CTSH: variants seen among roughly 807,000 people sequenced by gnomAD.
CTSH encodes pro-cathepsin H.
CTSH carries 52 observed loss-of-function variants against 56.3 expected under a neutral mutation model. That is an observed-to-expected ratio of 0.92 (90% CI 0.74 to 1.16). CTSH has a LOEUF of 1.16. CTSH is among the 50% of genes most tolerant of loss of function. CTSH has a pLI of 0.00. For synonymous variants in CTSH, 174 were observed against 155.7 expected, an observed-to-expected ratio of 1.12 and a Z score of -0.88; for missense variants, 406 against 424.5, an observed-to-expected ratio of 0.96 and a Z score of 0.38.
rs887763614 is a variant in CTSH at position 78,944,904 on chromosome 15, G to C, written c.78C>G (p.Cys26Trp). ...CCCTCTGCGTACCTAAGGAGTTCAC[G>C]CACAGTTCGGCGGCACCGCAGACGG... is the stretch of plus-strand genomic sequence containing the variant. Reference protein sequence around the residue: ...GVPVCGAAELCVNSLEKFHFK... With the variant: ...GVPVCGAAELWVNSLEKFHFK... Residue 26 changes from cysteine to tryptophan, a missense_variant, in exon 1 of 12, where the codon TGC becomes TGG. Coordinates refer to ENST00000220166, the MANE Select transcript of CTSH (RefSeq NM_004390.5). 2 of 1,548,584 alleles carry C rather than the reference G, an allele frequency of 1.3e-6. No individual in the cohort carries two copies. Among genetic ancestry groups the C allele is most frequent in the Admixed American group, 2.0e-5 (1 of 50,860 alleles).
At chr15:78,928,993 G>A (rs943123513) in intron 8 of CTSH, among the ~76,000 whole-genome samples, 4 of 152,110 alleles carry the variant, frequency 2.6e-5, no homozygotes, top group African/African-American at 9.7e-5. Flanking sequence ...GTGATGGTGG[G>A]AGGCCCAGCA....
intron 6 of CTSH, 98 bp downstream of exon 6, chr15:78,932,274 A>C: frequency 9.2e-7 from 1 of 1,087,772 alleles, no homozygotes; most frequent in Middle Eastern, 2.0e-4. Context: ...CTGAAACAGC[A>C]CCCTTAGCCA....
Position 78,928,434 on chromosome 15 carries a change from C to T in CTSH, c.631-653G>A, listed in dbSNP as rs1294453761. 4.6e-5 allele frequency among the ~76,000 whole-genome samples: 7 copies of T among 151,166 alleles called. 2 individuals carry two copies. The East Asian group carries it at 1.4e-3, about 30-fold the overall frequency. On this transcript the variant is annotated intron_variant, in intron 8 of 11. Coordinates refer to ENST00000220166, the MANE Select transcript of CTSH (RefSeq NM_004390.5). ...ATAAAAAGTTAGCTGGGCGTGGTGGCGGGTGCCTGTACTCCCAGCTACTCA... is the reference window on the plus strand; with the variant it reads ...ATAAAAAGTTAGCTGGGCGTGGTGGTGGGTGCCTGTACTCCCAGCTACTCA...
intron 1 of CTSH, among the ~76,000 whole-genome samples, chr15:78,942,739 G>A (rs1006216087): frequency 2.0e-5 from 3 of 152,208 alleles, no homozygotes; most frequent in African/African-American, 7.2e-5. Flanking sequence ...CCCAGTTTTA[G>A]CAAAGAGGAC....
chr15:78,940,442 C>T (rs1336033996), intron 1 of CTSH, among the ~76,000 whole-genome samples: 6 of 151,468 alleles, frequency 4.0e-5, no homozygotes, highest in African/African-American at 1.2e-4. Context: ...AAAAATTAGA[C>T]GGGAGAATCA....
At chr15:78,925,696 CTCAT>C (rs1596270505) in intron 9 of CTSH, 1 of 399,204 alleles carries the variant, frequency 2.5e-6, no homozygotes, top group Admixed American at 3.6e-5. Context: ...CGTGGACCTA[CTCAT>C]TCAGTCATTC....
Position 78,931,491 on chromosome 15 carries a change from C to T in CTSH, c.508G>A (p.Val170Met), listed in dbSNP as rs146836161. Residue 170 changes from valine to methionine, a missense_variant, in exon 7 of 12, where the codon GTG becomes ATG. Physicochemically the swap from Val to Met is conservative, Grantham distance 21 (BLOSUM62 1). Transcript: ENST00000220166. ...KMLSLAEQQLVDCAQDFNNHG... is the reference protein window; with the variant it reads ...KMLSLAEQQLMDCAQDFNNHG... ...TTATTGAAGTCCTGGGCGCAGTCCA[C>T]CAGCTGCTGTTCCGCCTGGAAGAAG... 59 of 1,614,146 alleles carry T rather than the reference C, an allele frequency of 3.7e-5. No individual in the cohort carries two copies. In the African/African-American group the frequency reaches 7.1e-4, roughly 19 times the overall value.
intron 10 of CTSH, among the ~76,000 whole-genome samples, chr15:78,924,733 A>G (rs972457982): frequency 4.0e-5 from 6 of 151,552 alleles, no homozygotes; most frequent in African/African-American, 1.5e-4. Flanking sequence ...TCTGTCACCA[A>G]GGTTGGAGTG....
At chr15:78,932,060 C>T in intron 6 of CTSH, 6 of 1,241,394 alleles carry the variant, frequency 4.8e-6, no homozygotes, top group Non-Finnish European at 6.1e-6. Context: ...GGTGTAGCTC[C>T]TAGTTGGCTA....
At position 78,937,712 on chromosome 15, in the gene CTSH, G is replaced by A. The variant is rs1466710712; in HGVS notation, c.124-289C>T. The stretch of plus-strand genomic sequence containing the variant: ...TGCCACATGTGGGGCACTCCTGGAC[G>A]CCACTGCTGGTGCTGGGTCAAGTTT... On this transcript the variant is annotated intron_variant, in intron 2 of 11. Coordinates refer to ENST00000220166, the MANE Select transcript of CTSH (RefSeq NM_004390.5). 8.0e-6 allele frequency: 11 copies of A among 1,366,558 alleles called. No individual in the cohort carries two copies. In the East Asian group the frequency reaches 2.0e-4, roughly 25 times the overall value. 84.7% of individuals were successfully genotyped at this position (1,366,558 alleles called of 1,614,324 possible).
At chr15:78,923,508 C>G (rs1035600399) in intron 10 of CTSH, among the ~76,000 whole-genome samples, 1 of 152,176 alleles carries the variant, frequency 6.6e-6, no homozygotes, top group Non-Finnish European at 1.5e-5. Flanking sequence ...AGGTTGGTCT[C>G]GAGCTCCTGA....
intron 2 of CTSH, 59 bp downstream of exon 2, chr15:78,939,081 T>G (rs1488271256): frequency 8.1e-6 from 12 of 1,478,922 alleles, no homozygotes; most frequent in Non-Finnish European, 1.1e-5. Context: ...ACAGTTTGGT[T>G]TGATAACAGG....
At chr15:78,933,417 T>C in intron 5 of CTSH, 1 of 359,894 alleles carries the variant, frequency 2.8e-6, no homozygotes, top group South Asian at 2.1e-5. Flanking sequence ...CAGGTTCATC[T>C]CTGTTTCCTC....
At chr15:78,942,363 C>T (rs1052509972) in intron 1 of CTSH, among the ~76,000 whole-genome samples, 5 of 152,094 alleles carry the variant, frequency 3.3e-5, no homozygotes, top group Non-Finnish European at 7.4e-5. Context: ...CAGGTGCCCA[C>T]CACCACGCCC....
intron 9 of CTSH, 38 bp from the exon 10 acceptor site, chr15:78,925,478 T>C (rs774139794): frequency 4.4e-6 from 6 of 1,367,250 alleles, no homozygotes; most frequent in South Asian, 3.5e-5. Flanking sequence ...ACATGGCCTG[T>C]CACCTCCCCA....
rs528091807 is a variant in CTSH, at chr15:78,935,051, C to T, written c.332G>A (p.Arg111Gln). The change falls in exon 5 of 12, where the codon CGA (arginine) becomes CAA (glutamine). Residue 111 changes from arginine to glutamine, a missense_variant. Physicochemically the swap from Arg to Gln is conservative, Grantham distance 43. Transcript: ENST00000220166. ...NCSATKSNYL[R>Q]GTGPYPPSVD... The stretch of plus-strand genomic sequence containing the variant: ...GGAAGGTGGGTAGGGACCAGTACCT[C>T]GAAGGTAGTTACTTTTGGTGGCTGA... 5.6e-6 allele frequency: 9 copies of T among 1,614,030 alleles called. No homozygotes were observed. Among genetic ancestry groups the T allele is most frequent in the South Asian group, 4.4e-5 (4 of 91,080 alleles).
chr15:78,935,131 A>G (rs2055148678), intron 4 of CTSH, 49 bp from the exon 5 acceptor site: 1 of 1,236,342 alleles, frequency 8.1e-7, no homozygotes, highest in Non-Finnish European at 1.2e-6. Context: ...AAAACCAAAA[A>G]CCTTTCTGAC....
intron 1 of CTSH, among the ~76,000 whole-genome samples, chr15:78,941,059 A>G (rs1423902636): frequency 6.6e-6 from 1 of 152,204 alleles, no homozygotes; most frequent in African/African-American, 2.4e-5. Context: ...ATTTTATCCT[A>G]AGGGAACATA....
chr15:78,930,565 TAAATAAAA>T (rs1431006367), intron 7 of CTSH, among the ~76,000 whole-genome samples: 3 of 137,196 alleles, frequency 2.2e-5, no homozygotes, highest in East Asian at 5.0e-4. Context: ...AATAAATAAA[TAAATAAAA>T]AATAAAAACG....
Sources: gnomAD v4.1 joint callset for allele counts (sites outside exome capture counted in the v4.1 genomes callset) on GRCh38, gnomAD v4.1.1 for gene constraint, MANE v1.5 for transcripts, NCBI Gene and HGNC (gene_info 2026-07-23, HGNC 2026-07-21) for gene names.